The following CTC1 variants were observed in gnomAD, a reference collection of about 807,000 sequenced individuals.
CTC1 encodes CST complex subunit CTC1.
CTC1 carries 91 observed loss-of-function variants against 136.3 expected under a neutral mutation model. The observed-to-expected ratio is 0.67, with a 90% CI of 0.56 to 0.79. The LOEUF (loss-of-function observed/expected upper bound fraction) is 0.79. CTC1 is among the 30% of genes least tolerant of loss of function. The probability of loss-of-function intolerance (pLI) is 0.00; values close to 1 mark genes in which losing one functional copy is unlikely to be tolerated. For missense variants in CTC1, 1,432 were observed against 1,498.1 expected, an observed-to-expected ratio of 0.96 and a Z score of 0.73; for synonymous variants, 606 against 613.8, an observed-to-expected ratio of 0.99 and a Z score of 0.19.
At position 8,230,483 on chromosome 17, in the gene CTC1, T is replaced by C. The variant is rs2151504223; in HGVS notation, c.2759-15A>G. ...CCCCGTGTTCCCTATAGAAGGAAGG[T>C]GGGTGTTAGTAGGATCTGTGAAGTC... On this transcript the variant is annotated splice_polypyrimidine_tract_variant and intron_variant, in intron 16 of 22. Transcript: ENST00000651323. The C allele has an allele frequency of 6.2e-7, 1 of 1,613,718 alleles. No homozygotes were observed. Among genetic ancestry groups the C allele is most frequent in the Non-Finnish European group, 8.5e-7 (1 of 1,179,710 alleles).
chr17:8,235,054 T>C lies in CTC1; in HGVS notation c.1438A>G (p.Lys480Glu). The C allele has an allele frequency of 5.0e-6, 8 of 1,613,860 alleles. No homozygotes were observed. The highest frequency in any genetic ancestry group is 6.8e-6 in the Non-Finnish European group (8 of 1,179,850). The change falls in exon 8 of 23, where the codon AAG becomes GAG. Residue 480 changes from lysine to glutamate, a missense_variant and splice_region_variant. Transcript: ENST00000651323. ...ATKALEELAC[K>E]LCPHVLRHHQ... ...GCCCTGGGCCCTCAGCCTCCTCACT[T>C]GCAGGCCAGCTCCTCCAGGGCCTTG...
At position 8,237,539 on chromosome 17, in the gene CTC1, C is replaced by T; in HGVS notation, c.648-20G>A. On this transcript the variant is annotated intron_variant, in intron 4 of 22. Transcript: ENST00000651323. ...TTGTTTCTAAGAAGGAAGAAAAAGCCCTGTAATCCCAGCTACTCAGGAGGC... is the reference window on the plus strand; with the variant it reads ...TTGTTTCTAAGAAGGAAGAAAAAGCTCTGTAATCCCAGCTACTCAGGAGGC... 6.2e-7 allele frequency: 1 copy of T among 1,612,738 alleles called. No homozygotes were observed. The highest frequency in any genetic ancestry group is 8.5e-7 in the Non-Finnish European group (1 of 1,179,416).
In CTC1 at chr17:8,230,409, A is replaced by G. The variant is rs1987113329; in HGVS notation, c.2818T>C (p.Cys940Arg). Reference sequence around the variant, plus strand: ...ACATCCAGGTGAGGGGGGAATTCACATTCAGCAGTCTCAAGAGCGACTGTT... The same window carrying G: ...ACATCCAGGTGAGGGGGGAATTCACGTTCAGCAGTCTCAAGAGCGACTGTT... ...KLTVALETAE[C>R]EFPPHLDVYI... Residue 940 changes from cysteine (C) to arginine (R), a missense_variant, in exon 17 of 23, where the codon TGT (cysteine) becomes CGT (arginine). Physicochemically the swap from Cys to Arg is radical, Grantham distance 180. Coordinates refer to ENST00000651323, the MANE Select transcript of CTC1 (RefSeq NM_025099.6). 6.2e-7 allele frequency: 1 copy of G among 1,614,032 alleles called. No homozygotes were observed. Among genetic ancestry groups the G allele is most frequent in the Non-Finnish European group, 8.5e-7 (1 of 1,180,026 alleles).
rs931758117 is a variant in CTC1, at chr17:8,236,761, A to G, written c.793-419T>C. Among the ~76,000 whole-genome samples the G allele has an allele frequency of 3.3e-5, 5 of 152,342 alleles. No homozygotes were observed. In the East Asian group the frequency reaches 9.6e-4, roughly 29 times the overall value. ...GTAAGGCCCTATTTCTACAAAATAC[A>G]TATATTTTTAAAATTTCTATAAAAA... is the stretch of plus-strand genomic sequence containing the variant. On this transcript the variant is annotated intron_variant, in intron 5 of 22. Coordinates refer to ENST00000651323, the MANE Select transcript of CTC1 (RefSeq NM_025099.6).
Position 8,232,357 on chromosome 17 carries a change from C to T in CTC1, c.2060+4G>A. ...CAAGACAACCATGACCCCAAGGAGC[C>T]AACCTGGCCTGCTGCTTCTGGATGA... is the stretch of plus-strand genomic sequence containing the variant. On this transcript the variant is annotated splice_donor_region_variant and intron_variant, in intron 12 of 22. Coordinates refer to ENST00000651323, the MANE Select transcript of CTC1 (RefSeq NM_025099.6). The T allele has an allele frequency of 6.2e-7, 1 of 1,613,014 alleles. No individual in the cohort carries two copies. The highest frequency in any genetic ancestry group is 8.5e-7 in the Non-Finnish European group (1 of 1,179,378).
intron 18 of CTC1, 26 bp downstream of exon 18, chr17:8,229,865 T>C: frequency 4.4e-6 from 7 of 1,599,852 alleles, no homozygotes; most frequent in Non-Finnish European, 6.0e-6. Context: ...GCCAGGAAGT[T>C]TAGGGGTTGG....
rs554439039 is a variant in CTC1, at chr17:8,238,285, C to T, written c.436-43G>A. On this transcript the variant is annotated intron_variant, in intron 3 of 22. Transcript: ENST00000651323. ...CAAGGGTTAATCAGAACCTTAGCAT[C>T]CTATCCACCCACCTCCCCGTTTGTT... 5 of 1,567,094 alleles carry T rather than the reference C, an allele frequency of 3.2e-6. No individual in the cohort carries two copies. The African/African-American group carries it at 6.8e-5, about 21-fold the overall frequency.
At chr17:8,243,906 T>C (rs1448104342) in intron 1 of CTC1, among the ~76,000 whole-genome samples, 1 of 152,092 alleles carries the variant, frequency 6.6e-6, no homozygotes, top group Non-Finnish European at 1.5e-5. Flanking sequence ...ATCATGTCTC[T>C]ACAAAAATAC....
chr17:8,230,688 C>G (rs368827243), intron 15 of CTC1, 37 bp from the exon 16 acceptor site: 1 of 1,548,740 alleles, frequency 6.5e-7, no homozygotes, highest in African/African-American at 1.4e-5. Context: ...AATGGAGGCA[C>G]AAGAAAGCAC....
At position 8,231,240 on chromosome 17, in the gene CTC1, G is replaced by A. The variant is rs76374044; in HGVS notation, c.2669+36C>T. Reference sequence around the variant, plus strand: ...CAGCTAGCTTGGGAGAAGAGAGAGTGGCCAAATTAACCAGAGGGGCTTGGT... The same window carrying A: ...CAGCTAGCTTGGGAGAAGAGAGAGTAGCCAAATTAACCAGAGGGGCTTGGT... On this transcript the variant is annotated intron_variant, in intron 15 of 22. Coordinates refer to ENST00000651323, the MANE Select transcript of CTC1 (RefSeq NM_025099.6). 2,503 of 1,470,822 alleles carry A rather than the reference G, an allele frequency of 1.7e-3. 33 individuals carry two copies. The African/African-American group carries it at 0.029, about 17-fold the overall frequency. The allele number at this position is 1,470,822 out of a possible 1,614,324, so 91.1% of individuals were successfully genotyped here. A position where few individuals can be genotyped will look rare whatever the true frequency, so the allele number is the denominator to read the frequency against.
intron 2 of CTC1, 114 bp downstream of exon 2, chr17:8,242,871 T>G: frequency 3.2e-6 from 3 of 932,454 alleles, no homozygotes; most frequent in Non-Finnish European, 4.7e-6. Context: ...TTAGACTACC[T>G]TGTCCTCCGC....
chr17:8,240,979 C>A (rs925935148), intron 2 of CTC1, among the ~76,000 whole-genome samples: 4 of 151,910 alleles, frequency 2.6e-5, no homozygotes, highest in African/African-American at 9.7e-5. Flanking sequence ...AAGGTAAACA[C>A]AGGCTCAAGA....
chr17:8,237,328 C>G (rs1228239217), intron 5 of CTC1, 47 bp downstream of exon 5: 3 of 1,611,084 alleles, frequency 1.9e-6, no homozygotes, highest in South Asian at 2.2e-5. Flanking sequence ...ACTGAAAGTT[C>G]TACCACCCTC....
At chr17:8,247,973 A>C (rs759054383) in intron 1 of CTC1, 31 bp downstream of exon 1, 1 of 1,605,716 alleles carries the variant, frequency 6.2e-7, no homozygotes, top group Non-Finnish European at 8.5e-7. Context: ...AACAAGAAAA[A>C]AGGAACAAGA....
Position 8,238,475 on chromosome 17 carries a change from T to C in CTC1, c.352A>G (p.Thr118Ala), listed in dbSNP as rs1987935761. 2 of 1,614,224 alleles carry C rather than the reference T, an allele frequency of 1.2e-6. No individual in the cohort carries two copies. Among genetic ancestry groups the C allele is most frequent in the African/African-American group, 2.7e-5 (2 of 75,070 alleles). ...TGTTCCAAGTCTGCCGATAGGTCTG[T>C]TAGTGTCCCTAAAAGTAACAGCTGC... Reference protein sequence around the residue: ...REQLLLLGTLTDLSADLEQEC... With the variant: ...REQLLLLGTLADLSADLEQEC... The change falls in exon 3 of 23, where the codon ACA (threonine) becomes GCA (alanine). Residue 118 changes from threonine to alanine, a missense_variant. Thr to Ala is a moderately conservative substitution (Grantham distance 58, BLOSUM62 0). Coordinates refer to ENST00000651323, the MANE Select transcript of CTC1 (RefSeq NM_025099.6).
rs1334122961 is a variant in CTC1 at position 8,226,589 on chromosome 17, A to G, written c.*1591T>C. ...CATCCTGGAGAGAAATATGGTCAGT[A>G]TGCTGAAGAAAAAAATATGACGTAG... On this transcript the variant is annotated 3_prime_UTR_variant, in exon 23 of 23. Transcript: ENST00000651323. 1 of 151,916 alleles carries G rather than the reference A, an allele frequency of 6.6e-6. No individual in the cohort carries two copies. The highest frequency in any genetic ancestry group is 2.4e-5 in the African/African-American group (1 of 41,254). 9.4% of individuals were successfully genotyped at this position (151,916 alleles called of 1,614,324 possible).
chr17:8,238,456 A>G lies in CTC1; in HGVS notation c.371T>C (p.Leu124Ser). Residue 124 changes from leucine (L) to serine (S), a missense_variant, in exon 3 of 23, where the codon TTG becomes TCG. Physicochemically the swap from Leu to Ser is moderately radical, Grantham distance 145. Transcript: ENST00000651323. ...GCTTCCGTTCCTGCACTCTTGTTCC[A>G]AGTCTGCCGATAGGTCTGTTAGTGT... ...LGTLTDLSAD[L>S]EQECRNGSLY... is the part of the protein sequence containing the mutation. 6.2e-7 allele frequency: 1 copy of G among 1,614,108 alleles called. No individual in the cohort carries two copies. Among genetic ancestry groups the G allele is most frequent in the Non-Finnish European group, 8.5e-7 (1 of 1,180,022 alleles).
At chr17:8,231,840 T>A (rs1265370921) in intron 13 of CTC1, 25 bp from the exon 14 acceptor site, 1 of 1,613,958 alleles carries the variant, frequency 6.2e-7, no homozygotes, top group Non-Finnish European at 8.5e-7. Flanking sequence ...AGCAAAGTGC[T>A]GGGATCCTAG....
intron 17 of CTC1, 113 bp from the exon 18 acceptor site, chr17:8,230,081 C>T: frequency 9.2e-7 from 1 of 1,092,392 alleles, no homozygotes; most frequent in Non-Finnish European, 1.4e-6. Context: ...AGGGACATAT[C>T]CTAGCCATGG....
Sources: allele counts gnomAD v4.1 joint callset (sites outside exome capture counted in the v4.1 genomes callset), GRCh38; gene constraint gnomAD v4.1.1; transcripts MANE v1.5; gene names NCBI Gene and HGNC (gene_info 2026-07-23, HGNC 2026-07-21).